The following TNK2 variants were observed in gnomAD, a reference collection of about 807,000 sequenced individuals.
TNK2 encodes activated CDC42 kinase 1.
In TNK2, 83 loss-of-function variants were observed where a neutral mutation model predicts 101.8. The observed-to-expected ratio is 0.82, with a 90% CI of 0.68 to 0.98. The LOEUF is 0.98. Among genes scored for constraint, TNK2 ranks in the 50% least tolerant of loss-of-function variants. TNK2 has a pLI of 0.00. For synonymous variants in TNK2, 804 were observed against 633.0 expected, an observed-to-expected ratio of 1.27 and a Z score of -4.06; for missense variants, 1,665 against 1,483.2, an observed-to-expected ratio of 1.12 and a Z score of -2.01.
chr3:195,873,903 C>T (rs1747265893), intron 9 of TNK2, among the ~76,000 whole-genome samples: 2 of 152,218 alleles, frequency 1.3e-5, no homozygotes, highest in Admixed American at 1.3e-4. Flanking sequence ...TGGCCTGGCC[C>T]CACCACACAC....
At chr3:195,873,432 G>A (rs1746854626) in intron 9 of TNK2, among the ~76,000 whole-genome samples, 1 of 131,954 alleles carries the variant, frequency 7.6e-6, no homozygotes, top group Admixed American at 8.0e-5. Flanking sequence ...CGGGGGCGGT[G>A]AGAGCCCCGT....
At chr3:195,897,807 C>A (rs1244049428) in intron 1 of TNK2, among the ~76,000 whole-genome samples, 2 of 32,692 alleles carry the variant, frequency 6.1e-5, no homozygotes, top group Non-Finnish European at 1.2e-4. Context: ...TGCCCACCCC[C>A]TCACCCCCCC....
intron 1 of TNK2, chr3:195,894,315 C>T (rs1333819981): frequency 6.6e-6 from 1 of 152,282 alleles, no homozygotes; most frequent in African/African-American, 2.4e-5. Flanking sequence ...CCATGCCTGA[C>T]CTTGGATGTC....
intron 1 of TNK2, chr3:195,892,569 C>G: frequency 6.7e-7 from 1 of 1,482,994 alleles, no homozygotes; most frequent in Non-Finnish European, 9.0e-7. Flanking sequence ...TGCCCAGGAG[C>G]CCCCCAAATC....
Position 195,881,840 on chromosome 3 carries a change from T to C in TNK2, c.887+211A>G, listed in dbSNP as rs1354968238. On this transcript the variant is annotated intron_variant, in intron 6 of 15. Coordinates refer to ENST00000672887, the MANE Select transcript of TNK2 (RefSeq NM_001382273.1). ...GAGAGTCCCACAGCATGTATCCCTG[T>C]GATTTCCAGCACCCAGACCCTGGCA... is the stretch of plus-strand genomic sequence containing the variant. Among the ~76,000 whole-genome samples, 3 of 152,082 alleles carry C rather than the reference T, an allele frequency of 2.0e-5. No individual in the cohort carries two copies. In the East Asian group the frequency reaches 5.8e-4, roughly 29 times the overall value.
rs1474775086 is a variant in TNK2, at chr3:195,885,863, G to A, written c.235-830C>T. ...AGATTCTTGCCAGCTTGGGTCTCAC[G>A]CCCCCAGAGCTGGTGGATCCTTATC... On this transcript the variant is annotated intron_variant, in intron 3 of 15. Coordinates refer to ENST00000672887, the MANE Select transcript of TNK2 (RefSeq NM_001382273.1). This position sits in a 1 kb window ranked among gnomAD's most constrained non-coding sequence, Gnocchi z 4.7. 1.3e-5 allele frequency: 4 copies of A among 318,880 alleles called. No homozygotes were observed. Among genetic ancestry groups the A allele is most frequent in the East Asian group, 1.7e-4 (2 of 11,818 alleles). The allele number at this position is 318,880 out of a possible 1,614,324, so 19.8% of individuals were successfully genotyped here. A position where few individuals can be genotyped will look rare whatever the true frequency, so the allele number is the denominator to read the frequency against.
At chr3:195,877,591 C>T (rs527801061) in intron 9 of TNK2, among the ~76,000 whole-genome samples, 1 of 152,330 alleles carries the variant, frequency 6.6e-6, no homozygotes, top group South Asian at 2.1e-4. Flanking sequence ...TGCCCTGCCC[C>T]AGCCAGTTGC....
Position 195,886,947 on chromosome 3 carries a change from T to G in TNK2, c.234+30A>C. The G allele has an allele frequency of 2.5e-6, 3 of 1,204,904 alleles. No individual in the cohort carries two copies. Among genetic ancestry groups the G allele is most frequent in the Non-Finnish European group, 3.5e-6 (3 of 851,172 alleles). 74.6% of individuals were successfully genotyped at this position (1,204,904 alleles called of 1,614,324 possible). A position where few individuals can be genotyped will look rare whatever the true frequency, so the allele number is the denominator to read the frequency against. On this transcript the variant is annotated intron_variant, in intron 3 of 15. Coordinates refer to ENST00000672887, the MANE Select transcript of TNK2 (RefSeq NM_001382273.1). This position sits in a 1 kb window ranked among gnomAD's most constrained non-coding sequence, Gnocchi z 4.2. ...AGGGGGGCGTTCGAGGCTGCCCCCCTCCCACCTCCTCACCCACCTCCTCAC... is the reference window on the plus strand; with the variant it reads ...AGGGGGGCGTTCGAGGCTGCCCCCCGCCCACCTCCTCACCCACCTCCTCAC...
chr3:195,867,145 A>G lies in TNK2; in HGVS notation c.3033+24T>C, dbSNP rs527922064. ...CCAGGCTTCAGGGTCCCTGAGAGCC[A>G]GAGTGAGCAGGAGGTGGCGGTACCT... On this transcript the variant is annotated intron_variant, in intron 14 of 15. Transcript: ENST00000672887. 40 of 1,611,856 alleles carry G rather than the reference A, an allele frequency of 2.5e-5. No individual in the cohort carries two copies. The African/African-American group carries it at 3.9e-4, about 16-fold the overall frequency.
chr3:195,876,095 A>G (rs549191803), intron 9 of TNK2, among the ~76,000 whole-genome samples: 109 of 152,348 alleles, frequency 7.2e-4, no homozygotes, highest in Non-Finnish European at 1.1e-3. Flanking sequence ...GACCAGGCCA[A>G]GGACCCGCAA....
rs1291460438 is a variant in TNK2 at position 195,882,549 on chromosome 3, A to G, written c.610-221T>C. 1 of 1,525,666 alleles carries G rather than the reference A, an allele frequency of 6.6e-7. No homozygotes were observed. The highest frequency in any genetic ancestry group is 1.2e-5 in the South Asian group (1 of 83,112). The allele number at this position is 1,525,666 out of a possible 1,614,324, so 94.5% of individuals were successfully genotyped here. On this transcript the variant is annotated intron_variant, in intron 5 of 15. Transcript: ENST00000672887. The surrounding 1 kb of genome is among the most constrained non-coding windows in gnomAD (Gnocchi z 4.2). ...ATGCCTAGAGAGAAGGAGCCCAAAGAGGCAGTGGCTAGAAATTCCAAAACT... is the reference window on the plus strand; with the variant it reads ...ATGCCTAGAGAGAAGGAGCCCAAAGGGGCAGTGGCTAGAAATTCCAAAACT...
At position 195,870,142 on chromosome 3, in the gene TNK2, C is replaced by G. The variant is rs745462964; in HGVS notation, c.1515G>C (p.Arg505=). The G allele has an allele frequency of 6.2e-5, 92 of 1,478,052 alleles. No individual in the cohort carries two copies. Among genetic ancestry groups the G allele is most frequent in the Non-Finnish European group, 7.9e-5 (88 of 1,107,996 alleles). The allele number at this position is 1,478,052 out of a possible 1,614,324, so 91.6% of individuals were successfully genotyped here. ...TCACCCCTCCTAGATGCTGGGGGGG[C>G]CGGGAGGTGCTCAGTTCCACGCTCA... The part of the protein sequence containing the change: ...DLLSVELSTS[R]PPQHLGGVKR... The change falls in exon 11 of 16, where the codon CGG becomes CGC. Residue 505 remains arginine, a synonymous_variant. Transcript: ENST00000672887.
At chr3:195,881,530 T>A (rs1367076201) in intron 6 of TNK2, among the ~76,000 whole-genome samples, 1 of 63,794 alleles carries the variant, frequency 1.6e-5, no homozygotes, top group Admixed American at 1.9e-4. Flanking sequence ...TCTATCCCTG[T>A]AACACCCCCC....
chr3:195,866,751 G>A (rs1242160599), intron 15 of TNK2, 138 bp downstream of exon 15: 14 of 1,266,736 alleles, frequency 1.1e-5, no homozygotes, highest in African/African-American at 7.5e-5. Flanking sequence ...CCCTGTGAGC[G>A]CCTCCCTCCC....
intron 1 of TNK2, among the ~76,000 whole-genome samples, chr3:195,902,999 C>T (rs1761372961): frequency 6.8e-6 from 1 of 147,216 alleles, no homozygotes; most frequent in Non-Finnish European, 1.5e-5. Flanking sequence ...ATCCACCCAC[C>T]TCGGCCTCCC....
Position 195,878,467 on chromosome 3 carries a change from G to T in TNK2, c.1140C>A (p.Ala380=). ...TCACCTCCAGCAGGAAGTCCCGCAG[G>T]GCCACAAACGTGGGTCTGTCCTCTG... ...HKPEDRPTFV[A]LRDFLLEAQP... Residue 380 remains alanine, a synonymous_variant, in exon 8 of 16, where the codon GCC becomes GCA. Transcript: ENST00000672887. This position sits in a 1 kb window ranked among gnomAD's most constrained non-coding sequence, Gnocchi z 4.7. The T allele has an allele frequency of 2.5e-6, 4 of 1,613,994 alleles. No individual in the cohort carries two copies. Among genetic ancestry groups the T allele is most frequent in the Non-Finnish European group, 3.4e-6 (4 of 1,180,042 alleles).
chr3:195,870,912 T>C (rs1381887752), intron 10 of TNK2, among the ~76,000 whole-genome samples: 2 of 151,570 alleles, frequency 1.3e-5, no homozygotes, highest in Non-Finnish European at 2.9e-5. Context: ...GGGCCCGCTG[T>C]GTGGGTTCTG....
chr3:195,889,668 G>T lies in TNK2; in HGVS notation c.-18-1062C>A, dbSNP rs548211755. Among the ~76,000 whole-genome samples, 2 of 152,184 alleles carry T rather than the reference G, an allele frequency of 1.3e-5. 1 individual carries two copies. The highest frequency in any genetic ancestry group is 2.9e-5 in the Non-Finnish European group (2 of 68,026). On this transcript the variant is annotated intron_variant, in intron 1 of 15. Transcript: ENST00000672887. ...TGCTGGCCAAAGCACACTGCAGGCC[G>T]CAATCAGCCAGTGGTACCGGAGAGT... is the stretch of plus-strand genomic sequence containing the variant.
At chr3:195,870,489 G>A in intron 10 of TNK2, 3 of 1,051,948 alleles carry the variant, frequency 2.9e-6, no homozygotes, top group Non-Finnish European at 2.5e-6. Context: ...AACCCCCCAG[G>A]CCCCCAGCCC....
Sources: allele counts gnomAD v4.1 joint callset (sites outside exome capture counted in the v4.1 genomes callset), GRCh38; gene constraint gnomAD v4.1.1; non-coding constraint Gnocchi (gnomAD v3.1); transcripts MANE v1.5; gene names NCBI Gene and HGNC (gene_info 2026-07-23, HGNC 2026-07-21).